RASGRP1: variants seen among roughly 807,000 people sequenced by gnomAD.
RASGRP1 encodes the protein RAS guanyl-releasing protein 1.
RASGRP1 carries 37 observed loss-of-function variants against 95.1 expected under a neutral mutation model. The observed-to-expected ratio is 0.39, with a 90% confidence interval of 0.30 to 0.51. The LOEUF (loss-of-function observed/expected upper bound fraction) is 0.51, where lower values mean the gene tolerates loss of function less well. RASGRP1 is among the 20% of genes least tolerant of loss of function. The pLI is 0.80. For missense variants in RASGRP1, 711 were observed against 965.4 expected (o/e 0.74, Z 3.49); for synonymous variants, 325 against 353.4 (o/e 0.92, Z 0.90).
intron 3 of RASGRP1, among the ~76,000 whole-genome samples, chr15:38,523,716 T>C (rs188361218): frequency 6.6e-6 from 1 of 152,176 alleles, no homozygotes; most frequent in African/African-American, 2.4e-5. Flanking sequence ...TTTAATCTTT[T>C]ATACCATATT....
intron 14 of RASGRP1, chr15:38,499,192 G>A (rs62003590): frequency 0.011 from 7,323 of 641,198 alleles, 63 homozygotes; most frequent in Non-Finnish European, 0.018. Flanking sequence ...TATCTTGGAG[G>A]GAAGAGATGG....
At chr15:38,528,625 A>T (rs949807524) in intron 2 of RASGRP1, among the ~76,000 whole-genome samples, 5 of 151,934 alleles carry the variant, frequency 3.3e-5, no homozygotes, top group Non-Finnish European at 5.9e-5. Flanking sequence ...AAGCTTTTAA[A>T]TGTCAGCATG....
intron 13 of RASGRP1, among the ~76,000 whole-genome samples, chr15:38,500,930 A>G (rs1294821076): frequency 6.6e-6 from 1 of 152,100 alleles, no homozygotes; most frequent in African/African-American, 2.4e-5. Context: ...CCATTTATCT[A>G]AGGCCTCATT....
At chr15:38,540,526 G>C (rs543268680) in intron 2 of RASGRP1, among the ~76,000 whole-genome samples, 3 of 152,306 alleles carry the variant, frequency 2.0e-5, no homozygotes, top group Non-Finnish European at 4.4e-5. Context: ...GAAGGCGATG[G>C]TGAGGAAATT....
chr15:38,494,796 C>T (rs766821058), intron 15 of RASGRP1, 29 bp from the exon 16 acceptor site: 1 of 1,405,662 alleles, frequency 7.1e-7, no homozygotes, highest in Non-Finnish European at 9.3e-7. Context: ...CATGCTAGTA[C>T]TCTAGCTCAG....
At chr15:38,524,595 G>A (rs1482302333) in intron 3 of RASGRP1, among the ~76,000 whole-genome samples, 1 of 152,194 alleles carries the variant, frequency 6.6e-6, no homozygotes, top group African/African-American at 2.4e-5. Flanking sequence ...GGTTACTGGT[G>A]ACATCAGAGG....
At chr15:38,520,414 A>G (rs975444331) in intron 3 of RASGRP1, among the ~76,000 whole-genome samples, 3 of 152,224 alleles carry the variant, frequency 2.0e-5, no homozygotes, top group African/African-American at 7.2e-5. Flanking sequence ...TTAAATAAAG[A>G]AAAGCAAAAG....
chr15:38,559,984 T>C lies in RASGRP1; in HGVS notation c.57A>G (p.Arg19=). Residue 19 remains arginine, a synonymous_variant, in exon 2 of 17, where the codon AGA becomes AGG. Coordinates refer to ENST00000310803, the MANE Select transcript of RASGRP1 (RefSeq NM_005739.4). ...CCTCTAGTCTTGCTTTAGAGGCAGC[T>C]CTGCAGCCATGGGAAGGTTTCCTGG... ...EAPRKPSHGC[R]AASKARLEAK... is the part of the protein sequence containing the mutation. The C allele has an allele frequency of 6.2e-7, 1 of 1,612,676 alleles. No homozygotes were observed. Among genetic ancestry groups the C allele is most frequent in the African/African-American group, 1.3e-5 (1 of 75,034 alleles).
rs556725435 is a variant in RASGRP1, at chr15:38,503,290, G to A, written c.1410C>T (p.His470=). Residue 470 remains histidine, a synonymous_variant, in exon 11 of 17, where the codon CAC becomes CAT. Coordinates refer to ENST00000310803, the MANE Select transcript of RASGRP1 (RefSeq NM_005739.4). ...PKPDPKTISK[H]VQRMVDSVFK... Reference sequence around the variant, plus strand: ...TACTTACATCCACCATCCTCTGGACGTGTTTGCTAATGGTTTTTGGATCAG... The same window carrying A: ...TACTTACATCCACCATCCTCTGGACATGTTTGCTAATGGTTTTTGGATCAG... 67 of 1,609,902 alleles carry A rather than the reference G, an allele frequency of 4.2e-5. No individual in the cohort carries two copies. The highest frequency in any genetic ancestry group is 2.1e-4 in the South Asian group (19 of 90,410).
At chr15:38,525,889 G>A (rs2141139820) in intron 3 of RASGRP1, among the ~76,000 whole-genome samples, 1 of 152,272 alleles carries the variant, frequency 6.6e-6, no homozygotes, top group African/African-American at 2.4e-5. Context: ...GTGGCACTGG[G>A]AATCTTTCTT....
intron 10 of RASGRP1, among the ~76,000 whole-genome samples, chr15:38,505,629 C>T (rs901392233): frequency 6.6e-6 from 1 of 152,116 alleles, no homozygotes; most frequent in Non-Finnish European, 1.5e-5. Context: ...TAGGCTTATC[C>T]CTTCAACTAT....
chr15:38,563,060 C>T (rs1050808610), intron 1 of RASGRP1, among the ~76,000 whole-genome samples: 4 of 152,168 alleles, frequency 2.6e-5, no homozygotes, highest in Non-Finnish European at 5.9e-5. Context: ...AGTGCAGCCT[C>T]AGAGTTCTAA....
chr15:38,514,792 A>T (rs181722596), intron 6 of RASGRP1, among the ~76,000 whole-genome samples: 61 of 152,316 alleles, frequency 4.0e-4, no homozygotes, highest in Middle Eastern at 3.4e-3. Flanking sequence ...GAGCATTGGC[A>T]TCAAGCAGAC....
At chr15:38,547,010 T>C (rs1278808034) in intron 2 of RASGRP1, among the ~76,000 whole-genome samples, 1 of 152,212 alleles carries the variant, frequency 6.6e-6, no homozygotes, top group East Asian at 1.9e-4. Context: ...TTTCCCACAG[T>C]GTGTCTAACC....
At chr15:38,532,031 G>A (rs1892461671) in intron 2 of RASGRP1, among the ~76,000 whole-genome samples, 1 of 152,134 alleles carries the variant, frequency 6.6e-6, no homozygotes, top group African/African-American at 2.4e-5. Flanking sequence ...TTGAGAGGAA[G>A]AGCCTCCCTT....
At chr15:38,520,096 AT>A (rs1178818290) in intron 3 of RASGRP1, among the ~76,000 whole-genome samples, 5 of 152,344 alleles carry the variant, frequency 3.3e-5, no homozygotes, top group Admixed American at 2.0e-4. Context: ...ATGGAAAAAA[AT>A]ATTCATCTAT....
chr15:38,548,409 C>T (rs933197514), intron 2 of RASGRP1, among the ~76,000 whole-genome samples: 6 of 151,982 alleles, frequency 3.9e-5, no homozygotes, highest in African/African-American at 9.7e-5. Context: ...CAAAAAAATA[C>T]GCATACACAC....
At chr15:38,543,732 A>G (rs1892997108) in intron 2 of RASGRP1, among the ~76,000 whole-genome samples, 1 of 150,332 alleles carries the variant, frequency 6.7e-6, no homozygotes, top group Non-Finnish European at 1.5e-5. Context: ...CAGTTCTAGA[A>G]TTCCATTTGG....
chr15:38,492,416 G>A (rs1890619853), intron 16 of RASGRP1, among the ~76,000 whole-genome samples: 1 of 152,158 alleles, frequency 6.6e-6, no homozygotes, highest in Admixed American at 6.5e-5. Flanking sequence ...AGAGCATTGA[G>A]GACAATGCAG....
Sources: gnomAD v4.1 joint callset for allele counts (sites outside exome capture counted in the v4.1 genomes callset) on GRCh38, gnomAD v4.1.1 for gene constraint, MANE v1.5 for transcripts, NCBI Gene and HGNC (gene_info 2026-07-23, HGNC 2026-07-21) for gene names.